ATP13A5: variants seen among roughly 807,000 people sequenced by gnomAD.
ATP13A5 encodes ATPase 13A5, also known as probable cation-transporting ATPase 13A5.
ATP13A5 carries 149 observed loss-of-function variants against 150.2 expected under a neutral mutation model. That is an observed-to-expected ratio of 0.99 (90% CI 0.87 to 1.14). The LOEUF is 1.14. ATP13A5 is among the 50% of genes most tolerant of loss of function. The pLI is 0.00. For synonymous variants in ATP13A5, 497 were observed against 522.2 expected, an observed-to-expected ratio of 0.95 and a Z score of 0.66; for missense variants, 1,383 against 1,449.3, an observed-to-expected ratio of 0.95 and a Z score of 0.74.
chr3:193,333,613 G>A (rs141918116), intron 11 of ATP13A5, 137 bp downstream of exon 11: 27 of 840,708 alleles, frequency 3.2e-5, no homozygotes, highest in African/African-American at 2.2e-4. Flanking sequence ...GAACATTTCC[G>A]CTGTCTAAGA....
chr3:193,345,108 A>G (rs760065037), intron 7 of ATP13A5, 33 bp from the exon 8 acceptor site: 2 of 1,587,216 alleles, frequency 1.3e-6, no homozygotes, highest in Non-Finnish European at 1.7e-6. Flanking sequence ...TAAACATTAG[A>G]TAGTTCATGT....
intron 29 of ATP13A5, among the ~76,000 whole-genome samples, chr3:193,276,368 T>C (rs1388941599): frequency 2.0e-5 from 3 of 152,230 alleles, no homozygotes; most frequent in Non-Finnish European, 4.4e-5. Context: ...CTCTTTCTTA[T>C]GGAAACCCTG....
chr3:193,344,288 C>T (rs1049306112), intron 8 of ATP13A5, among the ~76,000 whole-genome samples: 1 of 152,170 alleles, frequency 6.6e-6, no homozygotes, highest in Non-Finnish European at 1.5e-5. Context: ...GATCCTAGTA[C>T]CTGGTGTGCT....
At chr3:193,294,985 G>T (rs967647043) in intron 25 of ATP13A5, among the ~76,000 whole-genome samples, 1 of 152,088 alleles carries the variant, frequency 6.6e-6, no homozygotes, top group Non-Finnish European at 1.5e-5. Context: ...AGAGTATCAT[G>T]CCACTTTCTT....
intron 25 of ATP13A5, among the ~76,000 whole-genome samples, chr3:193,297,352 C>T (rs182899641): frequency 2.0e-3 from 298 of 152,096 alleles, no homozygotes; most frequent in Admixed American, 3.0e-3. Context: ...CTGGACTTTT[C>T]ATGTCTAAGG....
At chr3:193,343,528 G>A (rs1484843380) in intron 9 of ATP13A5, among the ~76,000 whole-genome samples, 1 of 152,090 alleles carries the variant, frequency 6.6e-6, no homozygotes, top group Admixed American at 6.6e-5. Context: ...AAACCTCTAT[G>A]GCCTTCCAAT....
In ATP13A5 at chr3:193,275,045, CA is replaced by C. The variant is rs567445309; in HGVS notation, c.3653del (p.Leu1218ArgfsTer47). Reference protein sequence around the residue: ...QPTEQHFWARL With the variant: ...QPTEQHFWARX ...GCATGTACGACGACAATTCTGATTACAGCCTGGCCCAGAAATGCTGTTCTGT... is the reference window on the plus strand; with the variant it reads ...GCATGTACGACGACAATTCTGATTACGCCTGGCCCAGAAATGCTGTTCTGT... On this transcript the variant is annotated frameshift_variant, in exon 30 of 30. Coordinates refer to ENST00000342358, the MANE Select transcript of ATP13A5 (RefSeq NM_198505.4). LOFTEE classifies it high-confidence loss of function. 6.2e-4 allele frequency: 1,002 copies of C among 1,614,074 alleles called. 14 individuals carry two copies. The Admixed American group carries it at 0.016, about 26-fold the overall frequency.
intron 25 of ATP13A5, among the ~76,000 whole-genome samples, chr3:193,297,332 A>C (rs891864920): frequency 6.6e-6 from 1 of 152,002 alleles, no homozygotes; most frequent in African/African-American, 2.4e-5. Context: ...TGAAGTAATA[A>C]TTATAATACC....
chr3:193,296,379 G>A (rs2886982), intron 25 of ATP13A5, among the ~76,000 whole-genome samples: 60,653 of 151,902 alleles, frequency 0.4, 13,266 homozygotes, highest in Non-Finnish European at 0.48. Flanking sequence ...TAAGGAAGGG[G>A]TCCAGTTTCA....
intron 2 of ATP13A5, 72 bp downstream of exon 2, chr3:193,364,035 A>G: frequency 6.8e-7 from 1 of 1,461,592 alleles, no homozygotes. Context: ...TACCAGCCAC[A>G]GAGTTATGCC....
chr3:193,365,639 G>A (rs1335342611), intron 1 of ATP13A5, among the ~76,000 whole-genome samples: 1 of 152,002 alleles, frequency 6.6e-6, no homozygotes, highest in East Asian at 1.9e-4. Flanking sequence ...GTTATTTACA[G>A]AAGCTTACTG....
At chr3:193,314,308 T>C in intron 18 of ATP13A5, 115 bp from the exon 19 acceptor site, 1 of 1,177,780 alleles carries the variant, frequency 8.5e-7, no homozygotes, top group East Asian at 2.4e-5. Context: ...TACCGCTTTC[T>C]GCCTTATTTT....
intron 17 of ATP13A5, among the ~76,000 whole-genome samples, chr3:193,317,725 C>T (rs572107811): frequency 2.0e-5 from 3 of 152,218 alleles, no homozygotes; most frequent in Non-Finnish European, 2.9e-5. Flanking sequence ...ATAATAAGTT[C>T]CTGATATTCC....
chr3:193,306,085 G>A (rs1718606440), intron 22 of ATP13A5, among the ~76,000 whole-genome samples: 1 of 151,918 alleles, frequency 6.6e-6, no homozygotes, highest in South Asian at 2.1e-4. Flanking sequence ...AAAGGTGAAA[G>A]AATTCCTAGG....
chr3:193,285,200 C>T, intron 26 of ATP13A5, 84 bp from the exon 27 acceptor site: 2 of 1,156,550 alleles, frequency 1.7e-6, no homozygotes, highest in East Asian at 5.0e-5. Context: ...TAATCACTAC[C>T]ATGGGATTTT....
rs530965844 is a variant in ATP13A5 at position 193,334,983 on chromosome 3, T to C, written c.1060A>G (p.Ile354Val). The change falls in exon 10 of 30, where the codon ATC becomes GTC. Residue 354 changes from isoleucine to valine, a missense_variant. Around this residue, in one of 3 missense-constraint regions of ATP13A5, gnomAD observed 787 missense variants for 771.9 expected, o/e 1.02. Coordinates refer to ENST00000342358, the MANE Select transcript of ATP13A5 (RefSeq NM_198505.4). ...KHVLFCGTEV[I>V]QVKPSGQGPV... is the part of the protein sequence containing the mutation. ...CCCTGCCCAGAGGGCTTGACCTGGA[T>C]AACTTCTGTTCCACAGAAAAGGACG... 6.2e-7 allele frequency: 1 copy of C among 1,613,954 alleles called. No homozygotes were observed. Among genetic ancestry groups the C allele is most frequent in the South Asian group, 1.1e-5 (1 of 91,062 alleles).
intron 18 of ATP13A5, 47 bp downstream of exon 18, chr3:193,314,925 G>A (rs1718990686): frequency 6.2e-7 from 1 of 1,602,252 alleles, no homozygotes; most frequent in African/African-American, 1.3e-5. Flanking sequence ...TTGTTCTTAT[G>A]CCTAGGATAC....
intron 21 of ATP13A5, among the ~76,000 whole-genome samples, chr3:193,308,652 A>G (rs1220165264): frequency 6.6e-6 from 1 of 152,146 alleles, no homozygotes; most frequent in Non-Finnish European, 1.5e-5. Context: ...ATCTTCTAGT[A>G]TTCCCTGAAT....
chr3:193,279,366 C>CTTGAAAGTTATA lies in ATP13A5; in HGVS notation c.3314_3315insTATAACTTTCAA (p.Glu1105delinsAspIleThrPheLys). On this transcript the variant is annotated protein_altering_variant and splice_region_variant, in exon 28 of 30. Coordinates refer to ENST00000342358, the MANE Select transcript of ATP13A5 (RefSeq NM_198505.4). Reference sequence around the variant, plus strand: ...AGATGTGCAAATGAATGCCACTTACCTCCATTCCACGGTATATAACTTGAA... The same window carrying CTTGAAAGTTATA: ...AGATGTGCAAATGAATGCCACTTACCTTGAAAGTTATATCCATTCCACGGTATATAACTTGAA... The CTTGAAAGTTATA allele has an allele frequency of 1.2e-6, 2 of 1,611,402 alleles. No homozygotes were observed. Among genetic ancestry groups the CTTGAAAGTTATA allele is most frequent in the African/African-American group, 1.3e-5 (1 of 74,946 alleles).
Sources: gnomAD v4.1 joint callset for allele counts (sites outside exome capture counted in the v4.1 genomes callset) on GRCh38, gnomAD v4.1.1 for gene constraint, gnomAD v4.1.1 regional missense constraint, MANE v1.5 for transcripts, NCBI Gene and HGNC (gene_info 2026-07-23, HGNC 2026-07-21) for gene names.